SEPTIN2: variants seen among roughly 807,000 people sequenced by gnomAD.
SEPTIN2 encodes the protein septin 2, also known as septin-2.
SEPTIN2 carries 34 observed loss-of-function variants against 46.5 expected under a neutral mutation model. The observed-to-expected ratio is 0.73, with a 90% CI of 0.56 to 0.97. The LOEUF (loss-of-function observed/expected upper bound fraction) is 0.97. SEPTIN2 is among the 50% of genes least tolerant of loss of function. SEPTIN2 has a pLI of 0.00. For synonymous variants in SEPTIN2, 175 were observed against 153.4 expected (o/e 1.14, Z -1.04); for missense variants, 347 against 448.4 (o/e 0.77, Z 2.04).
rs1018856775 is a variant in SEPTIN2, at chr2:241,346,249, G to A, written c.926G>A (p.Arg309Lys). Residue 309 changes from arginine (R) to lysine (K), a missense_variant and splice_region_variant, in exon 10 of 13, where the codon AGG becomes AAG. Coordinates refer to ENST00000391971, the MANE Select transcript of SEPTIN2 (RefSeq NM_004404.5). ...FRSERLKRGG[R>K]KVENEDMNKD... ...TCTGAGAGACTCAAGAGAGGCGGCA[G>A]GTCATCACACTGTGCCCCTTTCTCT... is the stretch of plus-strand genomic sequence containing the variant. 1 of 1,613,204 alleles carries A rather than the reference G, an allele frequency of 6.2e-7. No homozygotes were observed. The highest frequency in any genetic ancestry group is 1.3e-5 in the African/African-American group (1 of 74,960).
intron 9 of SEPTIN2, 62 bp from the exon 10 acceptor site, chr2:241,346,104 T>G: frequency 8.0e-7 from 1 of 1,256,624 alleles, no homozygotes; most frequent in Non-Finnish European, 1.2e-6. Context: ...ATGGGTGGTT[T>G]TTTTTCTCAT....
At chr2:241,328,006 T>C (rs1272080356) in intron 3 of SEPTIN2, among the ~76,000 whole-genome samples, 1 of 152,056 alleles carries the variant, frequency 6.6e-6, no homozygotes, top group African/African-American at 2.4e-5. Context: ...TGAGCTGTCA[T>C]CGTGCCACTG....
chr2:241,329,227 G>A (rs1421815095), intron 3 of SEPTIN2, among the ~76,000 whole-genome samples: 3 of 151,718 alleles, frequency 2.0e-5, no homozygotes, highest in Non-Finnish European at 4.4e-5. Flanking sequence ...CCGGGTTCAC[G>A]CCATTCTCCC....
rs759912707 is a variant in SEPTIN2, at chr2:241,346,172, C to T, written c.849C>T (p.His283=). The change falls in exon 10 of 13, where the codon CAC becomes CAT. Residue 283 remains histidine, a synonymous_variant. Coordinates refer to ENST00000391971, the MANE Select transcript of SEPTIN2 (RefSeq NM_004404.5). The part of the protein sequence containing the change: ...FLKLRTMLIT[H]MQDLQEVTQD... Reference sequence around the variant, plus strand: ...CATTCCTCTTCTCTTTCAGCACCCACATGCAGGATCTCCAGGAGGTGACCC... The same window carrying T: ...CATTCCTCTTCTCTTTCAGCACCCATATGCAGGATCTCCAGGAGGTGACCC... The T allele has an allele frequency of 5.0e-6, 8 of 1,613,482 alleles. No homozygotes were observed. The South Asian group carries it at 7.7e-5, about 16-fold the overall frequency.
At chr2:241,322,111 A>G (rs1020683984) in intron 1 of SEPTIN2, among the ~76,000 whole-genome samples, 5 of 152,078 alleles carry the variant, frequency 3.3e-5, no homozygotes, top group Admixed American at 1.3e-4. Flanking sequence ...AAAGGGAAAC[A>G]GAGGACACAG....
chr2:241,343,396 G>A (rs2081516545), intron 8 of SEPTIN2, among the ~76,000 whole-genome samples: 1 of 152,060 alleles, frequency 6.6e-6, no homozygotes, highest in African/African-American at 2.4e-5. Context: ...CCACTCGGGA[G>A]GCTAAGGCAG....
In SEPTIN2 at chr2:241,351,976, T is replaced by C. The variant is rs11554056; in HGVS notation, c.*39T>C. On this transcript the variant is annotated 3_prime_UTR_variant, in exon 13 of 13. Transcript: ENST00000391971. ...GTTTTCTTTTTTCTAGAAAACACTT[T>C]CCTGGATAAAAAAGAAAACATTCCA... is the stretch of plus-strand genomic sequence containing the variant. 7.5e-3 allele frequency: 1,142 copies of C among 152,778 alleles called. 15 individuals carry two copies. The highest frequency in any genetic ancestry group is 8.8e-3 in the Non-Finnish European group (597 of 68,038). 9.5% of individuals were successfully genotyped at this position (152,778 alleles called of 1,614,324 possible).
At chr2:241,335,604 T>A (rs753549219) in intron 4 of SEPTIN2, 9 of 588,130 alleles carry the variant, frequency 1.5e-5, no homozygotes, top group Non-Finnish European at 2.7e-5. Context: ...CATCCACAAA[T>A]GACTGTTGAA....
At chr2:241,315,482 TCTC>T (rs902219189), upstream of SEPTIN2, 1 of 152,382 alleles carries the variant, frequency 6.6e-6, no homozygotes, top group African/African-American at 2.4e-5. Context: ...CGACCGCCTC[TCTC>T]CTCCTCAGTG....
chr2:241,332,040 C>T (rs1447618542), intron 3 of SEPTIN2, among the ~76,000 whole-genome samples: 1 of 152,142 alleles, frequency 6.6e-6, no homozygotes, highest in Non-Finnish European at 1.5e-5. Flanking sequence ...AACTTCAACT[C>T]CTGCTTCACA....
chr2:241,349,505 C>CT (rs2060589657), intron 11 of SEPTIN2, among the ~76,000 whole-genome samples: 1 of 152,238 alleles, frequency 6.6e-6, no homozygotes, highest in African/African-American at 2.4e-5. Flanking sequence ...TCATCAGTCT[C>CT]TTTCCCTCCT....
At chr2:241,328,515 T>A (rs2078390252) in intron 3 of SEPTIN2, among the ~76,000 whole-genome samples, 1 of 151,272 alleles carries the variant, frequency 6.6e-6, no homozygotes, top group African/African-American at 2.5e-5. Flanking sequence ...GGTGGGCAGA[T>A]CACCTGAGGT....
intron 12 of SEPTIN2, among the ~76,000 whole-genome samples, chr2:241,350,633 A>G (rs542734399): frequency 1.2e-4 from 19 of 152,356 alleles, no homozygotes; most frequent in African/African-American, 3.8e-4. Flanking sequence ...GAGATGGCAC[A>G]AGGAAGAAGA....
intron 1 of SEPTIN2, chr2:241,320,179 A>G (rs986410835): frequency 2.1e-6 from 1 of 468,958 alleles, no homozygotes; most frequent in Admixed American, 2.4e-5. Flanking sequence ...TCATAAAACA[A>G]ATTGTTTTCC....
rs6739848 is a variant in SEPTIN2 at position 241,336,136 on chromosome 2, C to G, written c.341+38C>G. ...ATGCCCAGGGATCTGCATTTGTTTA[C>G]TTAATATACTTCATAAATTTATAGA... On this transcript the variant is annotated intron_variant, in intron 5 of 12. Transcript: ENST00000391971. The G allele has an allele frequency of 0.012, 18,774 of 1,591,914 alleles. 1,806 individuals carry two copies. The African/African-American group carries it at 0.21, about 18-fold the overall frequency.
At chr2:241,323,199 C>T (rs1308180983) in intron 1 of SEPTIN2, among the ~76,000 whole-genome samples, 4 of 149,974 alleles carry the variant, frequency 2.7e-5, no homozygotes, top group Non-Finnish European at 4.4e-5. Context: ...TTAATGGAGT[C>T]TCACTCTGTT....
intron 5 of SEPTIN2, among the ~76,000 whole-genome samples, chr2:241,336,604 C>T (rs2080037178): frequency 1.3e-5 from 2 of 152,192 alleles, no homozygotes; most frequent in African/African-American, 4.8e-5. Context: ...ATCAGGTTTC[C>T]ACCACTAGAT....
chr2:241,350,197 G>C lies in SEPTIN2; in HGVS notation c.*23G>C. The C allele has an allele frequency of 3.2e-6, 5 of 1,577,146 alleles. No individual in the cohort carries two copies. Among genetic ancestry groups the C allele is most frequent in the Non-Finnish European group, 4.3e-6 (5 of 1,157,852 alleles). ...TAAGGTGATGTGCACATATCAAGAA[G>C]TCAGAGGTAGGCCCTGTTGTCCCTT... is the stretch of plus-strand genomic sequence containing the variant. On this transcript the variant is annotated 3_prime_UTR_variant, in exon 12 of 13. Coordinates refer to ENST00000391971, the MANE Select transcript of SEPTIN2 (RefSeq NM_004404.5).
rs774642470 is a variant in SEPTIN2, at chr2:241,337,497, A to G, written c.457A>G (p.Ile153Val). ...TAGGGTGCATTGTTGCTTTTACTTT[A>G]TTTCACCTTTTGGACATGGGTAAGT... ...DNRVHCCFYF[I>V]SPFGHGLKPL... Residue 153 changes from isoleucine to valine, a missense_variant, in exon 6 of 13, where the codon ATT (isoleucine) becomes GTT (valine). Ile to Val is a conservative substitution (Grantham distance 29). Transcript: ENST00000391971. 8 of 1,613,632 alleles carry G rather than the reference A, an allele frequency of 5.0e-6. No homozygotes were observed. Among genetic ancestry groups the G allele is most frequent in the Non-Finnish European group, 5.1e-6 (6 of 1,179,890 alleles).
Sources: gnomAD v4.1 joint callset for allele counts (sites outside exome capture counted in the v4.1 genomes callset) on GRCh38, gnomAD v4.1.1 for gene constraint, MANE v1.5 for transcripts, NCBI Gene and HGNC (gene_info 2026-07-23, HGNC 2026-07-21) for gene names.